ZBTB20: variants seen among roughly 807,000 people sequenced by gnomAD.
ZBTB20 encodes zinc finger and BTB domain-containing protein 20.
ZBTB20 carries 9 observed loss-of-function variants against 56.9 expected under a neutral mutation model. The observed-to-expected ratio is 0.16, with a 90% CI of 0.10 to 0.28. The LOEUF is 0.28. ZBTB20 is among the 10% of genes least tolerant of loss of function. The pLI is 1.00. For synonymous variants in ZBTB20, 417 were observed against 420.7 expected, an observed-to-expected ratio of 0.99 and a Z score of 0.11; for missense variants, 655 against 1,003.0, an observed-to-expected ratio of 0.65 and a Z score of 4.69.
intron 7 of ZBTB20, among the ~76,000 whole-genome samples, chr3:114,442,138 A>T (rs989428939): frequency 1.6e-4 from 24 of 152,130 alleles, no homozygotes; most frequent in Non-Finnish European, 4.4e-5. Flanking sequence ...CCCCTTTTAG[A>T]TAACAATTCA....
chr3:114,508,753 C>T (rs957971571), intron 6 of ZBTB20, among the ~76,000 whole-genome samples: 1 of 152,044 alleles, frequency 6.6e-6, no homozygotes, highest in Non-Finnish European at 1.5e-5. Context: ...TATTTTGCAA[C>T]CCATTATTTC....
At chr3:114,812,075 G>A (rs1169572260) in intron 4 of ZBTB20, among the ~76,000 whole-genome samples, 2 of 152,328 alleles carry the variant, frequency 1.3e-5, no homozygotes, top group African/African-American at 4.8e-5. Flanking sequence ...GCTCATAAAG[G>A]CAGTGTGGAC....
chr3:114,740,949 A>G (rs1355051593), intron 5 of ZBTB20, among the ~76,000 whole-genome samples: 1 of 152,158 alleles, frequency 6.6e-6, no homozygotes, highest in Non-Finnish European at 1.5e-5. Context: ...AGAAATACGA[A>G]ACTTTAGATA....
chr3:114,652,549 T>C (rs538671915), intron 6 of ZBTB20, among the ~76,000 whole-genome samples: 1 of 152,164 alleles, frequency 6.6e-6, no homozygotes, highest in South Asian at 2.1e-4. Context: ...ATGGTAGGCA[T>C]ATGCTTAACC....
intron 10 of ZBTB20, among the ~76,000 whole-genome samples, chr3:114,352,406 C>A (rs1006877240): frequency 6.6e-6 from 1 of 152,212 alleles, no homozygotes; most frequent in South Asian, 2.1e-4. Flanking sequence ...AACAAATAAA[C>A]CCCCTTCCTA....
At chr3:114,881,433 TACTGATA>T (rs2076392584) in intron 4 of ZBTB20, among the ~76,000 whole-genome samples, 1 of 152,066 alleles carries the variant, frequency 6.6e-6, no homozygotes, top group South Asian at 2.1e-4. Flanking sequence ...TATAGGGTCT[TACTGATA>T]AGTAAGTGCT....
intron 3 of ZBTB20, among the ~76,000 whole-genome samples, chr3:114,942,278 G>A (rs565926622): frequency 6.9e-6 from 1 of 145,790 alleles, no homozygotes; most frequent in East Asian, 1.9e-4. Flanking sequence ...TATTTTTGGT[G>A]ATTTTTCAAT....
intron 2 of ZBTB20, among the ~76,000 whole-genome samples, chr3:115,031,832 G>A (rs1560509141): frequency 1.3e-5 from 2 of 151,324 alleles, no homozygotes; most frequent in South Asian, 2.1e-4. Flanking sequence ...TGATTTGGTG[G>A]AAAAAAATGT....
intron 4 of ZBTB20, among the ~76,000 whole-genome samples, chr3:114,887,843 A>G (rs982794847): frequency 6.6e-6 from 1 of 152,164 alleles, no homozygotes; most frequent in Non-Finnish European, 1.5e-5. Flanking sequence ...GAAGTTTTAT[A>G]AGTGTAAATA....
intron 4 of ZBTB20, among the ~76,000 whole-genome samples, chr3:114,889,401 A>G (rs1242004792): frequency 6.6e-6 from 1 of 152,046 alleles, no homozygotes; most frequent in Non-Finnish European, 1.5e-5. Context: ...AAAGGTGGGA[A>G]CAAAAGGTTC....
At chr3:114,867,520 C>T (rs541070440) in intron 4 of ZBTB20, among the ~76,000 whole-genome samples, 50 of 152,322 alleles carry the variant, frequency 3.3e-4, no homozygotes, top group Non-Finnish European at 6.5e-4. Flanking sequence ...ATTGCAACCT[C>T]CACCTCCCAG....
chr3:114,748,352 T>TCTTTTC (rs374192570), intron 5 of ZBTB20, among the ~76,000 whole-genome samples: 1,318 of 48,618 alleles, frequency 0.027, 35 homozygotes, highest in South Asian at 0.061. Context: ...TTTCTTTCTT[T>TCTTTTC]TCTCTCTCTC....
chr3:115,056,271 G>T (rs138913490), intron 2 of ZBTB20, among the ~76,000 whole-genome samples: 1 of 152,056 alleles, frequency 6.6e-6, no homozygotes, highest in Non-Finnish European at 1.5e-5. Flanking sequence ...AAAAAGTCAT[G>T]GGTATCACTT....
At chr3:114,966,215 A>G (rs1309652820) in intron 3 of ZBTB20, among the ~76,000 whole-genome samples, 1 of 152,132 alleles carries the variant, frequency 6.6e-6, no homozygotes, top group Non-Finnish European at 1.5e-5. Flanking sequence ...CTTTTAAGGA[A>G]TAATCTCTTT....
chr3:114,802,198 C>T (rs1256929031), intron 4 of ZBTB20, among the ~76,000 whole-genome samples: 1 of 151,794 alleles, frequency 6.6e-6, no homozygotes, highest in Non-Finnish European at 1.5e-5. Context: ...AGAATACTTT[C>T]TATATATTTA....
intron 4 of ZBTB20, among the ~76,000 whole-genome samples, chr3:114,806,506 T>A (rs2072117867): frequency 6.6e-6 from 1 of 151,978 alleles, no homozygotes; most frequent in Non-Finnish European, 1.5e-5. Context: ...CAGATTATGA[T>A]TTGCAAATCG....
intron 3 of ZBTB20, among the ~76,000 whole-genome samples, chr3:114,962,783 G>C (rs1030207215): frequency 6.6e-6 from 1 of 152,044 alleles, no homozygotes; most frequent in East Asian, 1.9e-4. Context: ...TAAATAAAAG[G>C]CTATTAATGA....
intron 1 of ZBTB20, among the ~76,000 whole-genome samples, chr3:115,139,541 A>G (rs1250256776): frequency 6.6e-6 from 1 of 152,042 alleles, no homozygotes; most frequent in Non-Finnish European, 1.5e-5. Flanking sequence ...ATAATATAAG[A>G]TCAAAAACTA....
chr3:114,477,108 A>C (rs75575086), intron 7 of ZBTB20, among the ~76,000 whole-genome samples: 3,121 of 152,326 alleles, frequency 0.02, 87 homozygotes, highest in East Asian at 0.086. Flanking sequence ...TGGTTGCATA[A>C]TTATGCGTTG....
Sources: gnomAD v4.1 joint callset for allele counts (sites outside exome capture counted in the v4.1 genomes callset) on GRCh38, gnomAD v4.1.1 for gene constraint, MANE v1.5 for transcripts, NCBI Gene and HGNC (gene_info 2026-07-23, HGNC 2026-07-21) for gene names.